The following IBTK variants were observed in gnomAD, a reference collection of about 807,000 sequenced individuals.
The protein encoded by IBTK is inhibitor of Bruton tyrosine kinase, also known as BTK-binding protein.
Under a neutral mutation model 154.9 loss-of-function variants are expected in IBTK, and 83 were observed. That is an observed-to-expected ratio of 0.54 (90% confidence interval 0.45 to 0.64). The LOEUF (loss-of-function observed/expected upper bound fraction) is 0.64, where lower values mean the gene tolerates loss of function less well. IBTK is among the 30% of genes least tolerant of loss of function. The pLI is 0.00. For missense variants in IBTK, 1,332 were observed against 1,584.6 expected (o/e 0.84, Z 2.71); for synonymous variants, 515 against 536.1 (o/e 0.96, Z 0.54).
chr6:82,213,862 G>C (rs1219031445), intron 12 of IBTK, among the ~76,000 whole-genome samples: 11 of 152,116 alleles, frequency 7.2e-5, no homozygotes, highest in African/African-American at 2.4e-5. Context: ...GGAGAGAGAG[G>C]AAGAGGAGGG....
At position 82,170,585 on chromosome 6, in the gene IBTK, C is replaced by T. The variant is rs866353368; in HGVS notation, c.*840G>A. ...CAGTATTGTAAAGGTAATGATAATC[C>T]AACCCTCTTCCAAACTATTTAATTC... is the stretch of plus-strand genomic sequence containing the variant. On this transcript the variant is annotated 3_prime_UTR_variant, in exon 29 of 29. Transcript: ENST00000306270. 3 of 151,998 alleles carry T rather than the reference C, an allele frequency of 2.0e-5. No homozygotes were observed. Among genetic ancestry groups the T allele is most frequent in the Admixed American group, 1.3e-4 (2 of 15,258 alleles). The allele number at this position is 151,998 out of a possible 1,614,324, so 9.4% of individuals were successfully genotyped here. A position where few individuals can be genotyped will look rare whatever the true frequency, so the allele number is the denominator to read the frequency against.
chr6:82,223,733 C>T, intron 7 of IBTK, 113 bp from the exon 8 acceptor site: 2 of 837,918 alleles, frequency 2.4e-6, no homozygotes, highest in Non-Finnish European at 1.8e-6. Context: ...CCAAGGTGGG[C>T]AGATCCCTTG....
intron 5 of IBTK, 85 bp downstream of exon 5, chr6:82,227,107 G>GAA (rs67652569): frequency 3.1e-4 from 263 of 849,006 alleles, no homozygotes; most frequent in South Asian, 4.6e-4. Flanking sequence ...CCTTACAGTT[G>GAA]AAAAAAAAAT....
Position 82,227,094 on chromosome 6 carries a change from C to T in IBTK, c.654+98G>A, listed in dbSNP as rs79330622. ...TCTATTATCAATTGATGTATTATTT[C>T]GTCCTTACAGTTGAAAAAAAAATTT... On this transcript the variant is annotated intron_variant, in intron 5 of 28. Coordinates refer to ENST00000306270, the MANE Select transcript of IBTK (RefSeq NM_015525.4). 4,384 of 682,144 alleles carry T rather than the reference C, an allele frequency of 6.4e-3. 147 individuals are homozygous for T. In the African/African-American group the frequency reaches 0.071, roughly 11 times the overall value. The allele number at this position is 682,144 out of a possible 1,614,324, so 42.3% of individuals were successfully genotyped here.
In IBTK at chr6:82,216,116, C is replaced by T. The variant is rs1330512742; in HGVS notation, c.1561G>A (p.Gly521Arg). The change falls in exon 11 of 29, where the codon GGA (glycine) becomes AGA (arginine). Residue 521 changes from glycine (G) to arginine (R), a missense_variant. Transcript: ENST00000306270. ...GACTGCAGGATTGCAAAGTTGCATC[C>T]ACTTGGATCTGTGCTGACACTAACA... ...RAVSVSTDPS[G>R]CNFAILQSDP... 3.1e-6 allele frequency: 5 copies of T among 1,611,872 alleles called. No individual in the cohort carries two copies. The highest frequency in any genetic ancestry group is 1.1e-5 in the South Asian group (1 of 90,270).
chr6:82,224,315 T>C, intron 6 of IBTK, 130 bp from the exon 7 acceptor site: 1 of 676,032 alleles, frequency 1.5e-6, no homozygotes, highest in Non-Finnish European at 2.6e-6. Context: ...CAATTGGCAG[T>C]TGTCACTAAC....
At chr6:82,216,051 T>G in intron 11 of IBTK, 25 bp downstream of exon 11, 10 of 1,543,748 alleles carry the variant, frequency 6.5e-6, no homozygotes, top group Non-Finnish European at 8.8e-6. Context: ...TTCTAAAAAA[T>G]GAAATTTAAT....
rs1294824189 is a variant in IBTK, at chr6:82,181,885, A to G, written c.3719T>C (p.Ile1240Thr). The G allele has an allele frequency of 1.3e-6, 2 of 1,575,520 alleles. No homozygotes were observed. The highest frequency in any genetic ancestry group is 1.7e-6 in the Non-Finnish European group (2 of 1,168,188). Reference sequence around the variant, plus strand: ...TTTAAGTTTGTTTTATTACCTGACAATTTTTGGTGCCTGAGAATTTTCAAT... The same window carrying G: ...TTTAAGTTTGTTTTATTACCTGACAGTTTTTGGTGCCTGAGAATTTTCAAT... ...KGIENSQAPK[I>T]VRCSTHGTPG... The change falls in exon 26 of 29, where the codon ATT becomes ACT. Residue 1240 changes from isoleucine to threonine, a missense_variant. Physicochemically the swap from Ile to Thr is moderately conservative, Grantham distance 89. This residue lies in a region of IBTK where 1,134 missense variants were observed against 1,274.7 expected (regional missense o/e 0.89). Transcript: ENST00000306270.
At chr6:82,230,205 T>C (rs966437065) in intron 4 of IBTK, among the ~76,000 whole-genome samples, 2 of 152,148 alleles carry the variant, frequency 1.3e-5, no homozygotes, top group African/African-American at 4.8e-5. Context: ...TAGGTGAAAG[T>C]TGGAAAGAGC....
Position 82,227,220 on chromosome 6 carries a change from A to C in IBTK, c.626T>G (p.Leu209Ter), listed in dbSNP as rs770981418. 6.2e-7 allele frequency: 1 copy of C among 1,612,000 alleles called. No homozygotes were observed. Among genetic ancestry groups the C allele is most frequent in the Non-Finnish European group, 8.5e-7 (1 of 1,178,472 alleles). The change falls in exon 5 of 29, where the codon TTA becomes TGA. Residue 209 changes from leucine to a stop codon, truncating the protein, a stop_gained. Coordinates refer to ENST00000306270, the MANE Select transcript of IBTK (RefSeq NM_015525.4). LOFTEE classifies it high-confidence loss of function. The part of the protein sequence containing the change: ...YTCGHGPGGR[L>*]GHGDEQTCLV... ...GCATGTCTGTTCATCTCCATGTCCT[A>C]ATCGCCCTCCAGGACCATGACCACA... is the stretch of plus-strand genomic sequence containing the variant.
At position 82,215,803 on chromosome 6, in the gene IBTK, A is replaced by C. The variant is rs556099912; in HGVS notation, c.1601+273T>G. Among the ~76,000 whole-genome samples, 417 of 151,694 alleles carry C rather than the reference A, an allele frequency of 2.7e-3. 4 individuals are homozygous for C. The highest frequency in any genetic ancestry group is 0.018 in the South Asian group (86 of 4,796). ...CTCAAAAAAAAAAAAAAAAAAAAGA[A>C]AGACAATAAACTTTGTGAGTGCATG... On this transcript the variant is annotated intron_variant, in intron 11 of 28. Transcript: ENST00000306270.
At chr6:82,172,768 C>CCTAATAA (rs1767973848) in intron 27 of IBTK, 2 of 358,260 alleles carry the variant, frequency 5.6e-6, no homozygotes, top group South Asian at 1.0e-4. Context: ...AACCTGGAAG[C>CCTAATAA]TTTCGCAGAG....
intron 21 of IBTK, among the ~76,000 whole-genome samples, chr6:82,197,739 C>G (rs1466661203): frequency 6.6e-6 from 1 of 152,104 alleles, no homozygotes; most frequent in Non-Finnish European, 1.5e-5. Flanking sequence ...AGAACACTCT[C>G]AAAAGTCAGT....
In IBTK at chr6:82,173,158, T is replaced by A. The variant is rs550067108; in HGVS notation, c.3797+209A>T. On this transcript the variant is annotated intron_variant, in intron 27 of 28. Transcript: ENST00000306270. Reference sequence around the variant, plus strand: ...CTGGCATCACAGGCATGCGCCACCATGCCCAGCTAAGTTTTGTATTTTTAG... The same window carrying A: ...CTGGCATCACAGGCATGCGCCACCAAGCCCAGCTAAGTTTTGTATTTTTAG... 14 of 382,194 alleles carry A rather than the reference T, an allele frequency of 3.7e-5. No homozygotes were observed. In the Admixed American group the frequency reaches 5.5e-4, roughly 15 times the overall value. The allele number at this position is 382,194 out of a possible 1,614,324, so 23.7% of individuals were successfully genotyped here. A position where few individuals can be genotyped will look rare whatever the true frequency, so the allele number is the denominator to read the frequency against.
At chr6:82,204,663 T>C (rs1019214730) in intron 17 of IBTK, among the ~76,000 whole-genome samples, 194 bp downstream of exon 17, 1 of 152,196 alleles carries the variant, frequency 6.6e-6, no homozygotes, top group Non-Finnish European at 1.5e-5. Context: ...CTAAGTCATA[T>C]ATATTTTCAC....
intron 26 of IBTK, among the ~76,000 whole-genome samples, chr6:82,181,342 C>G (rs1282909667): frequency 6.6e-6 from 1 of 152,192 alleles, no homozygotes; most frequent in African/African-American, 2.4e-5. Flanking sequence ...CAATGAAATA[C>G]TATTCAGTAG....
chr6:82,216,044 T>TA lies in IBTK; in HGVS notation c.1601+31dup, dbSNP rs761315191. Reference sequence around the variant, plus strand: ...AAGAAAATTCAGTGATTGTTCCTTCTAAAAAATGAAATTTAATATATACAA... The same window carrying TA: ...AAGAAAATTCAGTGATTGTTCCTTCTAAAAAAATGAAATTTAATATATACAA... On this transcript the variant is annotated intron_variant, in intron 11 of 28. Coordinates refer to ENST00000306270, the MANE Select transcript of IBTK (RefSeq NM_015525.4). 123 of 1,524,582 alleles carry TA rather than the reference T, an allele frequency of 8.1e-5. No individual in the cohort carries two copies. The African/African-American group carries it at 1.5e-3, about 18-fold the overall frequency. 94.4% of individuals were successfully genotyped at this position (1,524,582 alleles called of 1,614,324 possible).
chr6:82,228,624 C>CTTTT (rs753768771), intron 4 of IBTK, among the ~76,000 whole-genome samples: 1 of 143,072 alleles, frequency 7.0e-6, no homozygotes. Flanking sequence ...AAACCCCAGA[C>CTTTT]TTTTTTTTTT....
At chr6:82,197,708 G>A (rs1452174076) in intron 21 of IBTK, among the ~76,000 whole-genome samples, 1 of 151,988 alleles carries the variant, frequency 6.6e-6, no homozygotes, top group Admixed American at 6.6e-5. Context: ...AATTTTCATC[G>A]AAGAGAATAC....
Sources: gnomAD v4.1 joint callset for allele counts (sites outside exome capture counted in the v4.1 genomes callset) on GRCh38, gnomAD v4.1.1 for gene constraint, gnomAD v4.1.1 regional missense constraint, MANE v1.5 for transcripts, NCBI Gene and HGNC (gene_info 2026-07-23, HGNC 2026-07-21) for gene names.